Variants in ARSG observed in about 807,000 individuals in gnomAD.
ARSG encodes ASG.
Under a neutral mutation model 50.5 loss-of-function variants are expected in ARSG, and 37 were observed. That is an observed-to-expected ratio of 0.73 (90% confidence interval 0.56 to 0.96). ARSG has a LOEUF of 0.96. Ranked by LOEUF, ARSG falls within the 50% of genes least tolerant of loss-of-function variation. The pLI, the probability that ARSG is intolerant of heterozygous loss-of-function variation, is 0.00. For synonymous variants in ARSG, 225 were observed against 254.6 expected, an observed-to-expected ratio of 0.88 and a Z score of 1.11; for missense variants, 629 against 675.3, an observed-to-expected ratio of 0.93 and a Z score of 0.76.
At chr17:68,389,973 C>CCTTT (rs72124884) in intron 9 of ARSG, among the ~76,000 whole-genome samples, 3,444 of 150,770 alleles carry the variant, frequency 0.023, 135 homozygotes, top group Admixed American at 0.11. Context: ...GCAGGCCAGG[C>CCTTT]CTTTCTTTCT....
Position 68,420,488 on chromosome 17 carries a change from A to G in ARSG, c.*25A>G. 6.3e-7 allele frequency: 1 copy of G among 1,598,606 alleles called. No homozygotes were observed. The highest frequency in any genetic ancestry group is 1.1e-5 in the South Asian group (1 of 90,076). ...ACAGACCAATTTTTATTCCACGAGGAGGAGTACCTGGAAATTAGGCAAGTT... is the reference window on the plus strand; with the variant it reads ...ACAGACCAATTTTTATTCCACGAGGGGGAGTACCTGGAAATTAGGCAAGTT... On this transcript the variant is annotated 3_prime_UTR_variant, in exon 12 of 12. Coordinates refer to ENST00000621439, the MANE Select transcript of ARSG (RefSeq NM_001267727.2).
upstream of ARSG, among the ~76,000 whole-genome samples, chr17:68,288,027 C>T (rs1653429469): frequency 6.9e-6 from 1 of 144,816 alleles, no homozygotes. Context: ...GATGGAGTCT[C>T]AGTCTGTCTC....
upstream of ARSG, among the ~76,000 whole-genome samples, chr17:68,289,891 A>C (rs1202183672): frequency 2.0e-5 from 3 of 152,134 alleles, no homozygotes; most frequent in Admixed American, 2.0e-4. Context: ...ACACACTGTA[A>C]GTTCCTATTT....
At chr17:68,446,186 AT>A in the ARSG span, among the ~76,000 whole-genome samples, 202 of 146,752 alleles carry the variant, frequency 1.4e-3, no homozygotes, top group South Asian at 2.0e-3. Flanking sequence ...ACATTTCTCA[AT>A]TTTTTTTTTT....
At chr17:68,445,925 G>A in the ARSG span, among the ~76,000 whole-genome samples, 1 of 152,182 alleles carries the variant, frequency 6.6e-6, no homozygotes, top group African/African-American at 2.4e-5. Flanking sequence ...GGAGATTCTG[G>A]TTTGGGAAGT....
chr17:68,386,456 G>T (rs2080728383), intron 9 of ARSG, among the ~76,000 whole-genome samples: 3 of 152,106 alleles, frequency 2.0e-5, no homozygotes, highest in Admixed American at 6.5e-5. Flanking sequence ...AAGTCCAGGG[G>T]AAAAGGGTAA....
chr17:68,300,729 A>G (rs782593647), intron 1 of ARSG, among the ~76,000 whole-genome samples: 6 of 152,140 alleles, frequency 3.9e-5, no homozygotes, highest in Non-Finnish European at 8.8e-5. Flanking sequence ...GACAGTCTCA[A>G]CAGGTGGTTC....
rs956036207 is a variant in ARSG, at chr17:68,409,836, A to C, written c.1303+8386A>C. 2.8e-3 allele frequency among the ~76,000 whole-genome samples: 420 copies of C among 151,378 alleles called. 1 individual carries two copies. The highest frequency in any genetic ancestry group is 0.01 in the African/African-American group (411 of 40,942). ...GTAGTTCTCCTTGAAGAGGTCCTTC[A>C]CATCCCTTGTAAGTTGGATTCCTAG... On this transcript the variant is annotated intron_variant, in intron 11 of 11. Transcript: ENST00000621439.
the ARSG span, among the ~76,000 whole-genome samples, chr17:68,443,987 A>G: frequency 6.6e-6 from 1 of 152,236 alleles, no homozygotes; most frequent in South Asian, 2.1e-4. Flanking sequence ...TTAAATCCCG[A>G]GAATTCAGTA....
chr17:68,426,660 G>A (rs758099325), downstream of ARSG, among the ~76,000 whole-genome samples: 28 of 152,296 alleles, frequency 1.8e-4, no homozygotes, highest in African/African-American at 6.7e-4. Flanking sequence ...AGCCTCCGGA[G>A]TAGCTGGGAT....
intron 1 of ARSG, among the ~76,000 whole-genome samples, chr17:68,282,785 A>T: frequency 6.8e-6 from 1 of 146,028 alleles, no homozygotes; most frequent in African/African-American, 2.6e-5. Flanking sequence ...CTACTAAAAA[A>T]AAAAAAAAAA....
upstream of ARSG, chr17:68,291,310 C>T (rs1168256810): frequency 6.8e-6 from 1 of 146,984 alleles, no homozygotes; most frequent in Admixed American, 6.7e-5. Flanking sequence ...CCCCGCCCCC[C>T]ACCCCGGCCG....
intron 1 of ARSG, among the ~76,000 whole-genome samples, chr17:68,270,037 G>C (rs142863001): frequency 4.6e-5 from 7 of 152,178 alleles, no homozygotes; most frequent in African/African-American, 1.4e-4. Context: ...GACCCATTTG[G>C]GATCTAAGAT....
At chr17:68,411,662 C>A (rs944029496) in intron 11 of ARSG, among the ~76,000 whole-genome samples, 15 of 148,020 alleles carry the variant, frequency 1.0e-4, no homozygotes, top group African/African-American at 3.4e-4. Context: ...GAGCTGAGTT[C>A]AATTCCTGGG....
intron 11 of ARSG, among the ~76,000 whole-genome samples, chr17:68,414,482 G>T (rs2082245710): frequency 6.6e-6 from 1 of 152,140 alleles, no homozygotes; most frequent in African/African-American, 2.4e-5. Context: ...ATATCAGTCT[G>T]TAGTTTTCTT....
intron 2 of ARSG, among the ~76,000 whole-genome samples, chr17:68,317,956 G>A (rs1229535663): frequency 5.3e-5 from 8 of 152,050 alleles, no homozygotes; most frequent in Admixed American, 2.0e-4. Flanking sequence ...AAAATTAGCC[G>A]GGCGTGGTGG....
chr17:68,414,343 A>G (rs1454102030), intron 11 of ARSG, among the ~76,000 whole-genome samples: 2 of 152,160 alleles, frequency 1.3e-5, no homozygotes, highest in African/African-American at 2.4e-5. Context: ...ATTTATTGGT[A>G]TATGTTAAAC....
At chr17:68,437,005 A>ATATATATAT in the ARSG span, among the ~76,000 whole-genome samples, 26,305 of 104,708 alleles carry the variant, frequency 0.25, 2,921 homozygotes, top group Admixed American at 0.36. Context: ...AAAAAAAAAA[A>ATATATATAT]ATATATATAT....
In ARSG at chr17:68,351,647, C is replaced by G. The variant is rs1230747345; in HGVS notation, c.527C>G (p.Pro176Arg). The G allele has an allele frequency of 6.2e-7, 1 of 1,613,866 alleles. No individual in the cohort carries two copies. The highest frequency in any genetic ancestry group is 1.7e-5 in the Admixed American group (1 of 60,012). ...ACTGATACTCCAGGCTACAACCACCCTCCTTGTCCAGCGTGTCCACAGGGT... is the reference window on the plus strand; with the variant it reads ...ACTGATACTCCAGGCTACAACCACCGTCCTTGTCCAGCGTGTCCACAGGGT... ...GCTDTPGYNH[P>R]PCPACPQGDG... The change falls in exon 5 of 12, where the codon CCT (proline) becomes CGT (arginine). Residue 176 changes from proline to arginine, a missense_variant. Transcript: ENST00000621439.
Sources: allele counts gnomAD v4.1 joint callset (sites outside exome capture counted in the v4.1 genomes callset), GRCh38; gene constraint gnomAD v4.1.1; transcripts MANE v1.5; gene names NCBI Gene and HGNC (gene_info 2026-07-23, HGNC 2026-07-21).